Variants in PTP4A1 observed in about 807,000 individuals in gnomAD.
PTP4A1 encodes protein tyrosine phosphatase 4A1, also known as protein tyrosine phosphatase type IVA 1.
In PTP4A1, 9 loss-of-function variants were observed where a neutral mutation model predicts 20.5. The ratio of observed to expected loss-of-function variants is 0.44; its 90% CI spans 0.26 to 0.77. The LOEUF is 0.77. PTP4A1 is among the 30% of genes least tolerant of loss of function. PTP4A1 has a pLI of 0.19. For synonymous variants in PTP4A1, 78 were observed against 67.4 expected (o/e 1.16, Z -0.77); for missense variants, 137 against 218.8 (o/e 0.63, Z 2.36).
chr6:63,532,886 G>T lies in PTP4A1; in HGVS notation c.-640+4802G>T, dbSNP rs117298411. 7.2e-5 allele frequency among the ~76,000 whole-genome samples: 11 copies of T among 152,206 alleles called. 1 individual carries two copies. In the East Asian group the frequency reaches 2.1e-3, roughly 29 times the overall value. On this transcript the variant is annotated intron_variant, in intron 2 of 3. Coordinates refer to the PTP4A1 transcript ENST00000639568. ...TTGTTACACTGATCAAATTATATCT[G>T]CTTTTTAGCTAATCCATTAATAATT...
chr6:63,522,453 C>T (rs1033468913), intron 1 of PTP4A1, among the ~76,000 whole-genome samples: 1 of 152,136 alleles, frequency 6.6e-6, no homozygotes, highest in Admixed American at 6.6e-5. Flanking sequence ...TCAGGTGAAA[C>T]AGACCAAATG....
At chr6:63,579,161 G>T in intron 4 of PTP4A1, 96 bp from the exon 5 acceptor site, 1 of 1,392,108 alleles carries the variant, frequency 7.2e-7, no homozygotes, top group Non-Finnish European at 9.8e-7. Flanking sequence ...AGGAAGGGTG[G>T]TAGATAATAC....
At chr6:63,561,508 C>CA (rs1776949771) in intron 3 of PTP4A1, among the ~76,000 whole-genome samples, 1 of 152,130 alleles carries the variant, frequency 6.6e-6, no homozygotes, top group South Asian at 2.1e-4. Context: ...TCTGTGTACC[C>CA]AGTCATCATC....
At chr6:63,545,531 A>G (rs919330942) in intron 2 of PTP4A1, among the ~76,000 whole-genome samples, 24 of 152,130 alleles carry the variant, frequency 1.6e-4, no homozygotes, top group Admixed American at 5.2e-4. Flanking sequence ...GAATTGCTTG[A>G]ACCTGGGAGG....
chr6:63,531,031 T>C (rs182825624), intron 2 of PTP4A1, among the ~76,000 whole-genome samples: 1 of 152,354 alleles, frequency 6.6e-6, no homozygotes. Flanking sequence ...TGAGCTTTGC[T>C]TGTGAAAATT....
At chr6:63,551,315 C>T (rs1045572140) in intron 3 of PTP4A1, among the ~76,000 whole-genome samples, 34 of 152,174 alleles carry the variant, frequency 2.2e-4, no homozygotes, top group Admixed American at 5.9e-4. Context: ...ATCTGCCTGT[C>T]TTGGCCTCCT....
At chr6:63,520,557 GCAGA>G (rs1360230525), upstream of PTP4A1, among the ~76,000 whole-genome samples, 15 of 151,818 alleles carry the variant, frequency 9.9e-5, no homozygotes, top group Non-Finnish European at 1.6e-4. Flanking sequence ...AACCAGGGAG[GCAGA>G]CAGAGGTTGC....
intron 1 of PTP4A1, among the ~76,000 whole-genome samples, chr6:63,526,500 C>A (rs1775180208): frequency 6.6e-6 from 1 of 150,502 alleles, no homozygotes. Flanking sequence ...GCAAGCAGAA[C>A]AAAAATATTT....
At chr6:63,545,037 T>G (rs978810702) in intron 2 of PTP4A1, among the ~76,000 whole-genome samples, 1 of 152,210 alleles carries the variant, frequency 6.6e-6, no homozygotes, top group Non-Finnish European at 1.5e-5. Context: ...CAAATGGTGA[T>G]TTCTAATTCT....
chr6:63,564,200 C>T (rs1777085482), intron 3 of PTP4A1, among the ~76,000 whole-genome samples: 1 of 151,044 alleles, frequency 6.6e-6, no homozygotes, highest in African/African-American at 2.4e-5. Context: ...CACTTGAACC[C>T]GGGAGACGGA....
intron 2 of PTP4A1, among the ~76,000 whole-genome samples, chr6:63,533,052 A>C (rs939613825): frequency 6.6e-6 from 1 of 152,190 alleles, no homozygotes; most frequent in Non-Finnish European, 1.5e-5. Context: ...ATCTATAAGC[A>C]TTCATTTTCT....
intron 2 of PTP4A1, among the ~76,000 whole-genome samples, chr6:63,548,106 C>T (rs1430615234): frequency 6.6e-6 from 1 of 152,156 alleles, no homozygotes; most frequent in African/African-American, 2.4e-5. Flanking sequence ...GAGGTCATAA[C>T]CTCTTCATGA....
At chr6:63,516,849 C>T (rs937564905), upstream of PTP4A1, among the ~76,000 whole-genome samples, 3 of 152,148 alleles carry the variant, frequency 2.0e-5, no homozygotes, top group Non-Finnish European at 2.9e-5. Flanking sequence ...CCAACAGTTT[C>T]CTCTGTGGAT....
intron 1 of PTP4A1, among the ~76,000 whole-genome samples, chr6:63,526,884 A>T (rs1323604152): frequency 1.4e-5 from 2 of 146,414 alleles, no homozygotes; most frequent in Non-Finnish European, 3.0e-5. Context: ...CATTACTTGC[A>T]CTATCTACAG....
At chr6:63,562,360 C>G (rs1186664906) in intron 3 of PTP4A1, among the ~76,000 whole-genome samples, 2 of 151,944 alleles carry the variant, frequency 1.3e-5, no homozygotes, top group African/African-American at 4.8e-5. Context: ...CCACCACACC[C>G]AGCTAATTTT....
rs1226231224 is a variant in PTP4A1 at position 63,576,763 on chromosome 6, G to A, written c.-118G>A. 2.5e-5 allele frequency: 19 copies of A among 755,360 alleles called. No individual in the cohort carries two copies. The highest frequency in any genetic ancestry group is 3.9e-5 in the Non-Finnish European group (18 of 462,094). 46.8% of individuals were successfully genotyped at this position (755,360 alleles called of 1,614,324 possible). On this transcript the variant is annotated 5_prime_UTR_variant, in exon 2 of 6. Transcript: ENST00000626021. ...CATTACTTACAACTTCATACTCAAA[G>A]CACTGAGAATTTCAAGTGGAGTATA...
Position 63,579,234 on chromosome 6 carries a change from T to C in PTP4A1, c.330-23T>C, listed in dbSNP as rs373134742. On this transcript the variant is annotated intron_variant, in intron 4 of 5. Transcript: ENST00000626021. ...AAGATCTGATTTTGAAAAAACTATT[T>C]ATCAAAATTCTTACCTCACCAGAGC... 23 of 1,579,118 alleles carry C rather than the reference T, an allele frequency of 1.5e-5. No homozygotes were observed. The African/African-American group carries it at 3.0e-4, about 21-fold the overall frequency.
At chr6:63,528,493 G>A (rs1775286100) in intron 2 of PTP4A1, among the ~76,000 whole-genome samples, 1 of 152,032 alleles carries the variant, frequency 6.6e-6, no homozygotes, top group Admixed American at 6.6e-5. Context: ...GGGAGGCCAA[G>A]GTGGACAGAT....
chr6:63,545,172 A>G (rs948626028), intron 2 of PTP4A1, among the ~76,000 whole-genome samples: 2 of 152,122 alleles, frequency 1.3e-5, no homozygotes, highest in Non-Finnish European at 2.9e-5. Flanking sequence ...ATCTGTTTCT[A>G]TCTTTTCTTA....
Sources: allele counts gnomAD v4.1 joint callset (sites outside exome capture counted in the v4.1 genomes callset), GRCh38; gene constraint gnomAD v4.1.1; transcripts MANE v1.5; gene names NCBI Gene and HGNC (gene_info 2026-07-23, HGNC 2026-07-21).